FAM53C: variants seen among roughly 807,000 people sequenced by gnomAD.
The protein encoded by FAM53C is family with sequence similarity 53 member C.
In FAM53C, 10 loss-of-function variants were observed where a neutral mutation model predicts 34.7. The ratio of observed to expected loss-of-function variants is 0.29; its 90% CI spans 0.18 to 0.49. The LOEUF (loss-of-function observed/expected upper bound fraction) is 0.49, where lower values mean the gene tolerates loss of function less well. Ranked by LOEUF, FAM53C falls within the 20% of genes least tolerant of loss-of-function variation. FAM53C has a pLI of 0.99. For missense variants in FAM53C, 442 were observed against 515.3 expected (o/e 0.86, Z 1.38); for synonymous variants, 203 against 203.6 (o/e 1.00, Z 0.03).
rs1252338992 is a variant in FAM53C at position 138,345,493 on chromosome 5, C to T, written c.805C>T (p.Pro269Ser). The change falls in exon 4 of 5, where the codon CCC becomes TCC. Residue 269 changes from proline (P) to serine (S), a missense_variant. Transcript: ENST00000239906. The surrounding 1 kb of genome is among the most constrained non-coding windows in gnomAD (Gnocchi z 6.3). ...GCGACCTCGAGGTCTCCGCAACCTT[C>T]CCCGAAGCCGCTCACAGCCTTGTGA... The part of the protein sequence containing the change: ...PWRPRGLRNL[P>S]RSRSQPCDLD... The T allele has an allele frequency of 6.2e-7, 1 of 1,614,116 alleles. No homozygotes were observed. Among genetic ancestry groups the T allele is most frequent in the African/African-American group, 1.3e-5 (1 of 75,058 alleles).
rs571721157 is a variant in FAM53C at position 138,339,237 on chromosome 5, CT to C, written c.-153+936del. ...AGGCGGCAAGAGAGGGCTTCTTACA[CT>C]TTTTTCAATGCCTGCTTGAGAAAGA... On this transcript the variant is annotated intron_variant, in intron 1 of 4. Transcript: ENST00000239906. 1.1e-4 allele frequency among the ~76,000 whole-genome samples: 16 copies of C among 152,318 alleles called. No individual in the cohort carries two copies. In the East Asian group the frequency reaches 3.1e-3, roughly 29 times the overall value.
chr5:138,340,318 A>G (rs533025533), intron 1 of FAM53C, among the ~76,000 whole-genome samples: 1 of 152,222 alleles, frequency 6.6e-6, no homozygotes, highest in Admixed American at 6.5e-5. Flanking sequence ...TGCTACACAC[A>G]TTCTCTGGTA....
At chr5:138,341,158 T>C (rs979723479) in intron 1 of FAM53C, 26 bp from the exon 2 acceptor site, 10 of 724,796 alleles carry the variant, frequency 1.4e-5, no homozygotes, top group Non-Finnish European at 2.6e-5. Context: ...CTAATATCAC[T>C]TGGGGCTGGT....
Position 138,344,932 on chromosome 5 carries a change from A to C in FAM53C, c.244A>C (p.Ser82Arg). ...SGLSLHLRPP[S>R]RGNSPKEQPF... ...CCTGAGCCTGCACCTCAGACCACCC[A>C]GTCGGGGAAACTCCCCCAAGGAGCA... is the stretch of plus-strand genomic sequence containing the variant. Residue 82 changes from serine (S) to arginine (R), a missense_variant, in exon 4 of 5, where the codon AGT becomes CGT. Ser to Arg is a moderately radical substitution (Grantham distance 110). Transcript: ENST00000239906. 6.2e-7 allele frequency: 1 copy of C among 1,614,106 alleles called. No individual in the cohort carries two copies. The highest frequency in any genetic ancestry group is 8.5e-7 in the Non-Finnish European group (1 of 1,180,010).
In FAM53C at chr5:138,346,867, G is replaced by A; in HGVS notation, c.1087G>A (p.Ala363Thr). The change falls in exon 5 of 5, where the codon GCT becomes ACT. Residue 363 changes from alanine (A) to threonine (T), a missense_variant. By Grantham distance (58) the Ala-to-Thr change is moderately conservative (BLOSUM62 0). Transcript: ENST00000239906. ...TGAAAGCGAAGAGGAGGAGGAGGGG[G>A]CTGTGCGGTGGGGTCGGCAGGCGCT... ...LSESEEEEEG[A>T]VRWGRQALSK... 6.2e-7 allele frequency: 1 copy of A among 1,614,160 alleles called. No homozygotes were observed. The highest frequency in any genetic ancestry group is 1.1e-5 in the South Asian group (1 of 91,084).
rs770155203 is a variant in FAM53C at position 138,341,320 on chromosome 5, A to G, written c.-16A>G. 1.3e-5 allele frequency: 21 copies of G among 1,612,526 alleles called. No individual in the cohort carries two copies. In the East Asian group the frequency reaches 4.2e-4, roughly 33 times the overall value. On this transcript the variant is annotated 5_prime_UTR_variant, in exon 2 of 5. Coordinates refer to ENST00000239906, the MANE Select transcript of FAM53C (RefSeq NM_016605.3). ...CATTTGCTCCAAAGTGTGCAAGTCA[A>G]ATCCTGGGGAGAATCATGATAACCC...
At chr5:138,337,887 C>T (rs1760824120), upstream of FAM53C, 3 of 1,164,912 alleles carry the variant, frequency 2.6e-6, no homozygotes, top group South Asian at 1.3e-5. Context: ...GTGACGCGGC[C>T]CGAACCGAGT....
At position 138,347,162 on chromosome 5, in the gene FAM53C, G is replaced by A. The variant is rs975699021; in HGVS notation, c.*203G>A. Reference sequence around the variant, plus strand: ...GGACAAGATAAACGGAGCTGGTGGCGGGAGGGACAGCCCCAGAGCAGACCC... The same window carrying A: ...GGACAAGATAAACGGAGCTGGTGGCAGGAGGGACAGCCCCAGAGCAGACCC... On this transcript the variant is annotated 3_prime_UTR_variant, in exon 5 of 5. Coordinates refer to ENST00000239906, the MANE Select transcript of FAM53C (RefSeq NM_016605.3). 18 of 706,726 alleles carry A rather than the reference G, an allele frequency of 2.5e-5. No individual in the cohort carries two copies. The highest frequency in any genetic ancestry group is 5.4e-5 in the African/African-American group (3 of 55,828). The allele number at this position is 706,726 out of a possible 1,614,324, so 43.8% of individuals were successfully genotyped here.
At position 138,345,294 on chromosome 5, in the gene FAM53C, C is replaced by T. The variant is rs1761138455; in HGVS notation, c.606C>T (p.Ser202=). 2 of 1,614,258 alleles carry T rather than the reference C, an allele frequency of 1.2e-6. No homozygotes were observed. The highest frequency in any genetic ancestry group is 1.7e-6 in the Non-Finnish European group (2 of 1,180,054). The change falls in exon 4 of 5, where the codon TCC becomes TCT. Residue 202 remains serine (S), a synonymous_variant. Coordinates refer to ENST00000239906, the MANE Select transcript of FAM53C (RefSeq NM_016605.3). The surrounding 1 kb of genome is among the most constrained non-coding windows in gnomAD (Gnocchi z 6.3). ...PFFSLALAQD[S]SRPCAASPQS... ...TCAGCCTGGCCCTGGCCCAAGATTC[C>T]TCTCGACCCTGCGCCGCCTCCCCTC... is the stretch of plus-strand genomic sequence containing the variant.
rs1761201578 is a variant in FAM53C, at chr5:138,347,083, G to A, written c.*124G>A. The A allele has an allele frequency of 7.4e-7, 1 of 1,342,654 alleles. No individual in the cohort carries two copies. The allele number at this position is 1,342,654 out of a possible 1,614,324, so 83.2% of individuals were successfully genotyped here. A position where few individuals can be genotyped will look rare whatever the true frequency, so the allele number is the denominator to read the frequency against. ...GGTGAGTGGAGGGCTCCGACTCAGG[G>A]CAGCTGGAAATCTTCTCGCTCCAGC... On this transcript the variant is annotated 3_prime_UTR_variant, in exon 5 of 5. Coordinates refer to ENST00000239906, the MANE Select transcript of FAM53C (RefSeq NM_016605.3).
intron 4 of FAM53C, among the ~76,000 whole-genome samples, chr5:138,346,432 T>C (rs1337503456): frequency 6.6e-6 from 1 of 152,216 alleles, no homozygotes; most frequent in Admixed American, 6.5e-5. Flanking sequence ...GAGACCATCC[T>C]GGCTAACACG....
chr5:138,341,517 T>C, intron 2 of FAM53C, 104 bp downstream of exon 2: 2 of 1,128,918 alleles, frequency 1.8e-6, no homozygotes, highest in Non-Finnish European at 1.3e-6. Context: ...TGAATCATGG[T>C]ACTTAACCTG....
chr5:138,340,425 A>G (rs559249405), intron 1 of FAM53C, among the ~76,000 whole-genome samples: 7 of 152,166 alleles, frequency 4.6e-5, no homozygotes, highest in African/African-American at 1.4e-4. Context: ...CCCTCAGGTA[A>G]TTGTGTGGGC....
At chr5:138,339,729 C>T (rs970943380) in intron 1 of FAM53C, among the ~76,000 whole-genome samples, 2 of 152,130 alleles carry the variant, frequency 1.3e-5, no homozygotes, top group African/African-American at 2.4e-5. Context: ...GAGAGCTCCC[C>T]GGAAGCTAGA....
chr5:138,338,754 A>T (rs62380929), intron 1 of FAM53C, among the ~76,000 whole-genome samples: 19,380 of 151,880 alleles, frequency 0.13, 1,678 homozygotes, highest in South Asian at 0.25. Context: ...TCCCCACCAG[A>T]ACCATATGGA....
rs1037306350 is a variant in FAM53C at position 138,347,905 on chromosome 5, C to G, written c.*946C>G. The G allele has an allele frequency of 2.6e-5, 4 of 152,376 alleles. No homozygotes were observed. Among genetic ancestry groups the G allele is most frequent in the African/African-American group, 9.6e-5 (4 of 41,534 alleles). 9.4% of individuals were successfully genotyped at this position (152,376 alleles called of 1,614,324 possible). ...GACCCTTTTCCCCTCACCCTCTGCC[C>G]TTCTAAGTCATAGACTAGGTAGGAA... On this transcript the variant is annotated 3_prime_UTR_variant, in exon 5 of 5. Transcript: ENST00000239906.
rs375232930 is a variant in FAM53C, at chr5:138,345,174, C to T, written c.486C>T (p.Ser162=). The change falls in exon 4 of 5, where the codon AGC becomes AGT. Residue 162 remains serine, a synonymous_variant. Transcript: ENST00000239906. This position sits in a 1 kb window ranked among gnomAD's most constrained non-coding sequence, Gnocchi z 6.3. ...GTGGGCCGCAGGTGCCTCACCAGAG[C>T]CCCCCAAAGCGGGTCTCCAGCCTCA... ...GGGGPQVPHQ[S]PPKRVSSLRF... 10 of 1,614,196 alleles carry T rather than the reference C, an allele frequency of 6.2e-6. No individual in the cohort carries two copies. The highest frequency in any genetic ancestry group is 8.5e-6 in the Non-Finnish European group (10 of 1,180,038).
rs1760918224 is a variant in FAM53C at position 138,338,791 on chromosome 5, C to T, written c.-153+484C>T. 2.6e-5 allele frequency among the ~76,000 whole-genome samples: 4 copies of T among 152,356 alleles called. No individual in the cohort carries two copies. In the South Asian group the frequency reaches 8.3e-4, roughly 32 times the overall value. ...GAAGAGCAGGCAGATCTCCACCTAC[C>T]TGTTCATGCAGCTCCCTGCCTTCCT... On this transcript the variant is annotated intron_variant, in intron 1 of 4. Coordinates refer to ENST00000239906, the MANE Select transcript of FAM53C (RefSeq NM_016605.3).
rs780097921 is a variant in FAM53C at position 138,345,008 on chromosome 5, C to G, written c.320C>G (p.Pro107Arg). The stretch of plus-strand genomic sequence containing the variant: ...GAGCCCCCAGATCCAGAGAAGCTTC[C>G]TGTGCCCCCTGCCCCTCCATCCAAG... ...RPEPPDPEKL[P>R]VPPAPPSKRH... The change falls in exon 4 of 5, where the codon CCT becomes CGT. Residue 107 changes from proline to arginine, a missense_variant. By Grantham distance (103) the Pro-to-Arg change is moderately radical. Transcript: ENST00000239906. This position sits in a 1 kb window ranked among gnomAD's most constrained non-coding sequence, Gnocchi z 6.3. The G allele has an allele frequency of 4.3e-6, 7 of 1,613,846 alleles. No individual in the cohort carries two copies. Among genetic ancestry groups the G allele is most frequent in the Non-Finnish European group, 5.9e-6 (7 of 1,179,842 alleles).
Sources: allele counts gnomAD v4.1 joint callset (sites outside exome capture counted in the v4.1 genomes callset), GRCh38; gene constraint gnomAD v4.1.1; non-coding constraint Gnocchi (gnomAD v3.1); transcripts MANE v1.5; gene names NCBI Gene and HGNC (gene_info 2026-07-23, HGNC 2026-07-21).